NKAIN2: variants seen among roughly 807,000 people sequenced by gnomAD.
NKAIN2 encodes the protein sodium/potassium transporting ATPase interacting 2.
Under a neutral mutation model 32.6 loss-of-function variants are expected in NKAIN2, and 14 were observed. The ratio of observed to expected loss-of-function variants is 0.43; its 90% confidence interval spans 0.28 to 0.67. The LOEUF is 0.67. NKAIN2 is among the 30% of genes least tolerant of loss of function. The probability of loss-of-function intolerance (pLI) is 0.17; values close to 1 mark genes in which losing one functional copy is unlikely to be tolerated. For missense variants in NKAIN2, 198 were observed against 258.3 expected (o/e 0.77, Z 1.60); for synonymous variants, 80 against 87.2 (o/e 0.92, Z 0.46).
chr6:124,584,163 A>G (rs1229677238), intron 3 of NKAIN2, among the ~76,000 whole-genome samples: 1 of 152,206 alleles, frequency 6.6e-6, no homozygotes, highest in Non-Finnish European at 1.5e-5. Context: ...CAAGTAAAAA[A>G]TCTTCTGCAC....
At chr6:124,359,121 C>A (rs1189349044) in intron 3 of NKAIN2, among the ~76,000 whole-genome samples, 6 of 152,172 alleles carry the variant, frequency 3.9e-5, no homozygotes, top group Non-Finnish European at 8.8e-5. Flanking sequence ...TGTTCTGTCA[C>A]ATTGGTCTGT....
chr6:123,989,472 T>A (rs992451915), intron 1 of NKAIN2, among the ~76,000 whole-genome samples: 1 of 152,156 alleles, frequency 6.6e-6, no homozygotes, highest in Non-Finnish European at 1.5e-5. Context: ...ATAAAAACAA[T>A]AAACAGAACT....
intron 1 of NKAIN2, among the ~76,000 whole-genome samples, chr6:124,009,174 A>G (rs1481836973): frequency 6.6e-6 from 1 of 152,098 alleles, no homozygotes; most frequent in Admixed American, 6.6e-5. Context: ...CCTGTTCCTC[A>G]TACTCTACTT....
chr6:124,584,567 C>T (rs1048049983), intron 3 of NKAIN2, among the ~76,000 whole-genome samples: 2 of 150,606 alleles, frequency 1.3e-5, no homozygotes, highest in African/African-American at 2.4e-5. Flanking sequence ...GCAGGAGAAT[C>T]GCTTGAACCG....
At chr6:124,365,956 A>T (rs942903469) in intron 3 of NKAIN2, among the ~76,000 whole-genome samples, 3 of 152,030 alleles carry the variant, frequency 2.0e-5, no homozygotes, top group Admixed American at 2.0e-4. Context: ...ATTGCTAAAA[A>T]AAAAACTTGG....
chr6:124,222,709 G>T (rs981520471), intron 1 of NKAIN2, among the ~76,000 whole-genome samples: 2 of 152,138 alleles, frequency 1.3e-5, no homozygotes, highest in African/African-American at 2.4e-5. Context: ...GGCCAGTGAG[G>T]TGGAAAGAGG....
chr6:123,994,200 A>G (rs1419876399), intron 1 of NKAIN2, among the ~76,000 whole-genome samples: 1 of 144,120 alleles, frequency 6.9e-6, no homozygotes, highest in Admixed American at 6.9e-5. Context: ...AGAAACTAGG[A>G]TTTTTTTTTT....
chr6:124,605,543 T>C (rs1263250144), intron 3 of NKAIN2, among the ~76,000 whole-genome samples: 1 of 152,030 alleles, frequency 6.6e-6, no homozygotes, highest in African/African-American at 2.4e-5. Flanking sequence ...CCGATGTTGG[T>C]TGCCAGTATA....
intron 1 of NKAIN2, among the ~76,000 whole-genome samples, chr6:123,904,986 A>ATAAT: frequency 6.6e-6 from 1 of 152,344 alleles, no homozygotes; most frequent in East Asian, 1.9e-4. Flanking sequence ...TTATAGGTGA[A>ATAAT]TAATTACACA....
chr6:124,479,882 A>G (rs1391368055), intron 3 of NKAIN2, among the ~76,000 whole-genome samples: 1 of 152,160 alleles, frequency 6.6e-6, no homozygotes, highest in Non-Finnish European at 1.5e-5. Flanking sequence ...AATTCAGATA[A>G]ATGTATTAGA....
intron 1 of NKAIN2, among the ~76,000 whole-genome samples, chr6:124,067,276 C>T (rs901244415): frequency 1.3e-5 from 2 of 152,182 alleles, no homozygotes; most frequent in Non-Finnish European, 2.9e-5. Flanking sequence ...ACTCAACCCT[C>T]TCTAAGAAAA....
chr6:124,177,994 G>A lies in NKAIN2; in HGVS notation c.55-105011G>A, dbSNP rs1303903239. On this transcript the variant is annotated intron_variant, in intron 1 of 6. Coordinates refer to ENST00000368417, the MANE Select transcript of NKAIN2 (RefSeq NM_001040214.3). Reference sequence around the variant, plus strand: ...GAGACGGGGTTTCACCGTTTTAGCCGGGATGGTCTCGATCTCCTGACCTCG... The same window carrying A: ...GAGACGGGGTTTCACCGTTTTAGCCAGGATGGTCTCGATCTCCTGACCTCG... 3.5e-4 allele frequency among the ~76,000 whole-genome samples: 13 copies of A among 36,662 alleles called. 6 individuals carry two copies. Among genetic ancestry groups the A allele is most frequent in the African/African-American group, 1.1e-3 (13 of 12,208 alleles). 24.1% of individuals were successfully genotyped at this position (36,662 alleles called of 152,430 possible).
intron 4 of NKAIN2, among the ~76,000 whole-genome samples, chr6:124,720,245 T>C (rs1775949221): frequency 6.6e-6 from 1 of 151,654 alleles, no homozygotes; most frequent in South Asian, 2.1e-4. Flanking sequence ...GGGAAGAGAG[T>C]GTAGACTTCT....
At chr6:124,735,462 T>C (rs183854399) in intron 4 of NKAIN2, among the ~76,000 whole-genome samples, 1 of 151,950 alleles carries the variant, frequency 6.6e-6, no homozygotes, top group East Asian at 1.9e-4. Flanking sequence ...TGTTATCAAG[T>C]ACAGAGTTAA....
intron 3 of NKAIN2, among the ~76,000 whole-genome samples, chr6:124,478,941 C>A (rs2114694505): frequency 6.6e-6 from 1 of 152,210 alleles, no homozygotes; most frequent in South Asian, 2.1e-4. Flanking sequence ...AGGGGCAAAT[C>A]ATGTTGAAAG....
intron 1 of NKAIN2, among the ~76,000 whole-genome samples, chr6:124,186,758 A>G (rs1368338434): frequency 6.6e-6 from 1 of 152,214 alleles, no homozygotes; most frequent in Non-Finnish European, 1.5e-5. Context: ...TATTCATTTT[A>G]AATTAGCTAA....
intron 1 of NKAIN2, among the ~76,000 whole-genome samples, chr6:124,086,755 A>G (rs1288965281): frequency 6.6e-6 from 1 of 151,938 alleles, no homozygotes; most frequent in African/African-American, 2.4e-5. Context: ...GAAGAAATAG[A>G]CAATGAAAAA....
intron 1 of NKAIN2, among the ~76,000 whole-genome samples, chr6:123,824,298 C>G (rs1021748187): frequency 6.6e-6 from 1 of 152,084 alleles, no homozygotes; most frequent in Non-Finnish European, 1.5e-5. Flanking sequence ...CTGCCTTATT[C>G]CTAGACTGAA....
At chr6:123,992,263 T>C (rs984015556) in intron 1 of NKAIN2, among the ~76,000 whole-genome samples, 2 of 152,110 alleles carry the variant, frequency 1.3e-5, no homozygotes, top group African/African-American at 4.8e-5. Flanking sequence ...ATTCCTTTGA[T>C]AACTGGAGGA....
Sources: allele counts gnomAD v4.1 joint callset (sites outside exome capture counted in the v4.1 genomes callset), GRCh38; gene constraint gnomAD v4.1.1; transcripts MANE v1.5; gene names NCBI Gene and HGNC (gene_info 2026-07-23, HGNC 2026-07-21).